RELN: variants seen among roughly 807,000 people sequenced by gnomAD.
RELN encodes reelin.
A neutral mutation model predicts 427.6 loss-of-function variants in RELN; 108 were observed. The ratio of observed to expected loss-of-function variants is 0.25; its 90% CI spans 0.22 to 0.30. The LOEUF (loss-of-function observed/expected upper bound fraction) is 0.30, where lower values mean the gene tolerates loss of function less well. RELN is among the 10% of genes least tolerant of loss of function. RELN has a pLI of 1.00. For synonymous variants in RELN, 1,524 were observed against 1,513.4 expected (o/e 1.01, Z -0.16); for missense variants, 3,715 against 4,302.8 (o/e 0.86, Z 3.82).
chr7:103,532,462 T>C (rs200895392), intron 46 of RELN, among the ~76,000 whole-genome samples: 1 of 143,688 alleles, frequency 7.0e-6, no homozygotes, highest in African/African-American at 2.7e-5. Flanking sequence ...AAGCTGGAAA[T>C]GAAAAAAAAA....
Position 103,545,109 on chromosome 7 carries a change from G to C in RELN, c.6523+15C>G. The stretch of plus-strand genomic sequence containing the variant: ...TCTTTCACAAGACTACATAGAATTT[G>C]TAAGAAAAGACTACCTTCGAAATCA... On this transcript the variant is annotated intron_variant, in intron 42 of 64. Transcript: ENST00000428762. The C allele has an allele frequency of 6.2e-7, 1 of 1,602,522 alleles. No homozygotes were observed. The highest frequency in any genetic ancestry group is 8.5e-7 in the Non-Finnish European group (1 of 1,170,750).
chr7:103,705,250 A>G (rs1159178114), intron 8 of RELN, among the ~76,000 whole-genome samples: 2 of 152,232 alleles, frequency 1.3e-5, no homozygotes, highest in East Asian at 3.8e-4. Context: ...AAATGGGCAT[A>G]TCAATCTTAG....
intron 3 of RELN, among the ~76,000 whole-genome samples, chr7:103,780,369 T>C (rs942625800): frequency 6.6e-6 from 1 of 152,252 alleles, no homozygotes; most frequent in Non-Finnish European, 1.5e-5. Context: ...TTCCATTTTA[T>C]AGGTTTCAAT....
In RELN at chr7:103,790,129, A is replaced by G. The variant is rs188712329; in HGVS notation, c.474-13502T>C. Among the ~76,000 whole-genome samples, 179 of 152,324 alleles carry G rather than the reference A, an allele frequency of 1.2e-3. 2 individuals carry two copies. Among genetic ancestry groups the G allele is most frequent in the African/African-American group, 4.1e-3 (171 of 41,578 alleles). On this transcript the variant is annotated intron_variant, in intron 3 of 64. Coordinates refer to ENST00000428762, the MANE Select transcript of RELN (RefSeq NM_005045.4). ...GGTTCTCACTCATAAGTGGGAGTTGAACAATGAGAACACATGCCCACAGGG... is the reference window on the plus strand; with the variant it reads ...GGTTCTCACTCATAAGTGGGAGTTGGACAATGAGAACACATGCCCACAGGG...
At chr7:103,696,933 T>C (rs898326256) in intron 10 of RELN, among the ~76,000 whole-genome samples, 2 of 152,176 alleles carry the variant, frequency 1.3e-5, no homozygotes, top group Non-Finnish European at 2.9e-5. Flanking sequence ...TGGCCATATC[T>C]TCAAACTTTT....
At chr7:103,728,461 C>G (rs762137871) in intron 6 of RELN, among the ~76,000 whole-genome samples, 50 of 152,036 alleles carry the variant, frequency 3.3e-4, no homozygotes, top group Admixed American at 7.2e-4. Context: ...GTTTCCTCAC[C>G]TGTAAAACGA....
intron 41 of RELN, 147 bp from the exon 42 acceptor site, chr7:103,545,491 C>G (rs1830274172): frequency 1.5e-6 from 1 of 686,972 alleles, no homozygotes; most frequent in African/African-American, 1.8e-5. Flanking sequence ...AGGAACAAAA[C>G]TCCATTCCTC....
chr7:103,722,348 A>G (rs765380270), intron 8 of RELN, among the ~76,000 whole-genome samples: 16 of 152,132 alleles, frequency 1.1e-4, no homozygotes, highest in African/African-American at 3.6e-4. Context: ...TATGGAAGCG[A>G]CTGGAGGATG....
intron 2 of RELN, among the ~76,000 whole-genome samples, chr7:103,844,673 A>G (rs946392099): frequency 1.3e-5 from 2 of 152,208 alleles, no homozygotes; most frequent in African/African-American, 2.4e-5. Flanking sequence ...TAAACTCTCT[A>G]AGTCCCAGGA....
chr7:103,920,593 T>TTTTTTTTTTTTTTTTTTTTTTTTTTTGA (rs57282777), intron 1 of RELN, among the ~76,000 whole-genome samples: 1 of 129,420 alleles, frequency 7.7e-6, no homozygotes, highest in African/African-American at 3.0e-5. Context: ...TTTTTTTTTT[T>TTTTTTTTTTTTTTTTTTTTTTTTTTTGA]GAGAGAGTCT....
chr7:103,744,760 GA>G (rs1790770826), intron 6 of RELN, among the ~76,000 whole-genome samples: 1 of 151,948 alleles, frequency 6.6e-6, no homozygotes, highest in Non-Finnish European at 1.5e-5. Flanking sequence ...CTCTGAAATT[GA>G]GGAAATAATC....
chr7:103,568,862 G>A (rs144297332), intron 31 of RELN, among the ~76,000 whole-genome samples: 119 of 152,300 alleles, frequency 7.8e-4, no homozygotes, highest in African/African-American at 2.6e-3. Flanking sequence ...AATTGTCACT[G>A]GCTGGTCCTT....
chr7:103,682,054 A>G (rs1290349193), intron 11 of RELN, 62 bp downstream of exon 11: 1 of 1,500,686 alleles, frequency 6.7e-7, no homozygotes, highest in East Asian at 2.3e-5. Context: ...TGCATTTAAA[A>G]CACGTCCAGT....
chr7:103,659,860 T>C (rs1833099951), intron 12 of RELN, among the ~76,000 whole-genome samples: 1 of 152,192 alleles, frequency 6.6e-6, no homozygotes, highest in South Asian at 2.1e-4. Flanking sequence ...TCTCCCCATT[T>C]GTATTCTCCA....
At chr7:103,480,467 G>A (rs918588463) in intron 63 of RELN, among the ~76,000 whole-genome samples, 3 of 152,162 alleles carry the variant, frequency 2.0e-5, no homozygotes, top group African/African-American at 7.2e-5. Context: ...AAAACTCTTT[G>A]TGGCTCTTTT....
At chr7:103,525,515 C>G (rs2117098981) in intron 46 of RELN, among the ~76,000 whole-genome samples, 2 of 152,238 alleles carry the variant, frequency 1.3e-5, no homozygotes, top group Middle Eastern at 3.4e-3. Flanking sequence ...AATGCACTCA[C>G]CCCTGTAAGC....
chr7:103,746,961 A>G (rs1011756258), intron 6 of RELN, among the ~76,000 whole-genome samples: 1 of 152,188 alleles, frequency 6.6e-6, no homozygotes, highest in Admixed American at 6.5e-5. Flanking sequence ...AGACACATGC[A>G]CACGTATGTT....
At chr7:103,714,617 T>G (rs1789891486) in intron 8 of RELN, among the ~76,000 whole-genome samples, 1 of 152,120 alleles carries the variant, frequency 6.6e-6, no homozygotes, top group African/African-American at 2.4e-5. Flanking sequence ...TTGCCTCGCC[T>G]ATGCCTGCAC....
intron 57 of RELN, among the ~76,000 whole-genome samples, chr7:103,493,403 G>A (rs747697942): frequency 1.8e-4 from 27 of 152,216 alleles, no homozygotes; most frequent in Non-Finnish European, 3.8e-4. Context: ...GAGTTGGTAT[G>A]GTGAGGGAAG....
Sources: allele counts gnomAD v4.1 joint callset (sites outside exome capture counted in the v4.1 genomes callset), GRCh38; gene constraint gnomAD v4.1.1; transcripts MANE v1.5; gene names NCBI Gene and HGNC (gene_info 2026-07-23, HGNC 2026-07-21).